Variants in PTER observed in about 807,000 individuals in gnomAD.
PTER encodes phosphotriesterase related.
Under a neutral mutation model 29.6 loss-of-function variants are expected in PTER, and 38 were observed. The observed-to-expected ratio is 1.28, with a 90% CI of 0.99 to 1.68. PTER has a LOEUF of 1.68. PTER is among the 40% of genes most tolerant of loss of function. The pLI, the probability that PTER is intolerant of heterozygous loss-of-function variation, is 0.00. For missense variants in PTER, 482 were observed against 427.8 expected (o/e 1.13, Z -1.12); for synonymous variants, 172 against 154.5 (o/e 1.11, Z -0.84).
chr10:16,518,695 T>C (rs1371927830), downstream of PTER, among the ~76,000 whole-genome samples: 2 of 152,236 alleles, frequency 1.3e-5, no homozygotes, highest in Non-Finnish European at 2.9e-5. Context: ...TGAGCATTTT[T>C]ACACATTTGC....
chr10:16,482,152 A>G (rs542433247), intron 1 of PTER, among the ~76,000 whole-genome samples: 9 of 152,348 alleles, frequency 5.9e-5, no homozygotes, highest in African/African-American at 2.2e-4. Flanking sequence ...ACAAGTCCTA[A>G]GTTCTGTCCA....
intron 4 of PTER, 49 bp downstream of exon 4, chr10:16,505,209 T>G: frequency 6.3e-7 from 1 of 1,597,714 alleles, no homozygotes; most frequent in Non-Finnish European, 8.5e-7. Context: ...TAGCCCTTTT[T>G]GATTGTCATA....
intron 1 of PTER, among the ~76,000 whole-genome samples, chr10:16,463,706 A>G (rs1322619360): frequency 6.6e-6 from 1 of 152,192 alleles, no homozygotes; most frequent in South Asian, 2.1e-4. Context: ...GTGAGCCACC[A>G]TGCCCGGCCA....
intron 1 of PTER, among the ~76,000 whole-genome samples, chr10:16,437,679 C>G (rs1833699634): frequency 6.6e-6 from 1 of 152,140 alleles, no homozygotes; most frequent in Non-Finnish European, 1.5e-5. Flanking sequence ...TGTCTGAGTC[C>G]TGTGCACTCT....
chr10:16,468,856 T>G (rs145996473), intron 1 of PTER, among the ~76,000 whole-genome samples: 35 of 151,906 alleles, frequency 2.3e-4, no homozygotes, highest in African/African-American at 8.5e-4. Flanking sequence ...GCACTTGTAG[T>G]CCCAACTACT....
At chr10:16,456,859 A>AGGC (rs775837340) in intron 1 of PTER, among the ~76,000 whole-genome samples, 1 of 56,134 alleles carries the variant, frequency 1.8e-5, no homozygotes, top group Non-Finnish European at 3.2e-5. Flanking sequence ...ACCATGGGGA[A>AGGC]GGTGGGGGGG....
At chr10:16,440,173 C>A (rs1003713359) in intron 1 of PTER, among the ~76,000 whole-genome samples, 4 of 149,054 alleles carry the variant, frequency 2.7e-5, no homozygotes, top group Non-Finnish European at 5.9e-5. Flanking sequence ...TTAAGTGATT[C>A]TCCTGCATCA....
At chr10:16,504,083 A>G (rs7899573) in intron 3 of PTER, among the ~76,000 whole-genome samples, 4,926 of 151,900 alleles carry the variant, frequency 0.032, 234 homozygotes, top group African/African-American at 0.11. Flanking sequence ...CTAATGGGGT[A>G]TATTTTTCCT....
At chr10:16,493,672 G>A (rs1301218395) in intron 3 of PTER, among the ~76,000 whole-genome samples, 1 of 151,688 alleles carries the variant, frequency 6.6e-6, no homozygotes, top group Non-Finnish European at 1.5e-5. Context: ...ACGTATGGAA[G>A]GAAGAAAGGG....
At chr10:16,483,355 T>C (rs1835552475) in intron 1 of PTER, among the ~76,000 whole-genome samples, 1 of 152,228 alleles carries the variant, frequency 6.6e-6, no homozygotes, top group African/African-American at 2.4e-5. Context: ...AATCAAGCAT[T>C]CAACCTGAAG....
chr10:16,483,125 C>G (rs939968664), intron 1 of PTER, among the ~76,000 whole-genome samples: 1 of 152,028 alleles, frequency 6.6e-6, no homozygotes, highest in African/African-American at 2.4e-5. Context: ...AGGAAATGTA[C>G]TTTTAAAGGA....
Position 16,484,581 on chromosome 10 carries a change from C to T in PTER, c.197C>T (p.Ser66Phe), listed in dbSNP as rs374448904. The T allele has an allele frequency of 4.3e-6, 7 of 1,613,924 alleles. No individual in the cohort carries two copies. Among genetic ancestry groups the T allele is most frequent in the African/African-American group, 1.3e-5 (1 of 74,970 alleles). The change falls in exon 2 of 5, where the codon TCC becomes TTC. Residue 66 changes from serine to phenylalanine, a missense_variant. Ser to Phe is a radical substitution (Grantham distance 155). Transcript: ENST00000535784. ...NLYWIQKNAYSHKENLQLNQE... is the reference protein window; with the variant it reads ...NLYWIQKNAYFHKENLQLNQE... ...TATTGGATTCAGAAAAACGCCTATT[C>T]CCATAAAGAAAACCTTCAATTAAAT...
At chr10:16,478,560 C>G (rs1564397879) in intron 1 of PTER, among the ~76,000 whole-genome samples, 1 of 151,894 alleles carries the variant, frequency 6.6e-6, no homozygotes, top group Non-Finnish European at 1.5e-5. Flanking sequence ...TCTCGAACAC[C>G]TGACCTCAGG....
chr10:16,457,663 G>A (rs944357089), intron 1 of PTER, among the ~76,000 whole-genome samples: 2 of 152,090 alleles, frequency 1.3e-5, no homozygotes, highest in African/African-American at 4.8e-5. Flanking sequence ...GCAGTGGCCT[G>A]ATCTTGGCTC....
chr10:16,514,649 C>T (rs1564416553), downstream of PTER: 1 of 1,613,970 alleles, frequency 6.2e-7, no homozygotes, highest in Non-Finnish European at 8.5e-7. Flanking sequence ...AAGAACCACA[C>T]TGTTACTGGC....
intron 3 of PTER, among the ~76,000 whole-genome samples, chr10:16,493,369 TTGTAACATCTAGAATCCTATGAATATG>T (rs1393976169): frequency 8.5e-5 from 13 of 152,230 alleles, no homozygotes; most frequent in Non-Finnish European, 1.3e-4. Flanking sequence ...ATGTATTTGT[TTGTAACATCTAGAATCCTATGAATATG>T]ACACTGAGTT....
chr10:16,452,453 C>T (rs371720298), intron 1 of PTER, among the ~76,000 whole-genome samples: 18 of 151,892 alleles, frequency 1.2e-4, no homozygotes, highest in African/African-American at 1.9e-4. Context: ...TGCATGACCA[C>T]GCTCAGCTCA....
intron 3 of PTER, among the ~76,000 whole-genome samples, chr10:16,499,620 T>C (rs1192192560): frequency 1.3e-5 from 2 of 151,828 alleles, no homozygotes; most frequent in Non-Finnish European, 2.9e-5. Flanking sequence ...TTTTTTGTAT[T>C]TTTGTTAGAA....
intron 1 of PTER, among the ~76,000 whole-genome samples, chr10:16,442,986 T>G (rs1833898190): frequency 6.6e-6 from 1 of 151,902 alleles, no homozygotes; most frequent in Admixed American, 6.6e-5. Flanking sequence ...ACAATAAAAA[T>G]AAGATGAAAT....
Sources: allele counts gnomAD v4.1 joint callset (sites outside exome capture counted in the v4.1 genomes callset), GRCh38; gene constraint gnomAD v4.1.1; transcripts MANE v1.5; gene names NCBI Gene and HGNC (gene_info 2026-07-23, HGNC 2026-07-21).